The following SLC14A2 variants were observed in gnomAD, a reference collection of about 807,000 sequenced individuals.
SLC14A2 encodes urea transporter 2.
In SLC14A2, 91 loss-of-function variants were observed where a neutral mutation model predicts 104.6. The observed-to-expected ratio is 0.87, with a 90% CI of 0.73 to 1.04. The LOEUF is 1.04. Ranked by LOEUF, SLC14A2 falls within the 50% of genes least tolerant of loss-of-function variation. The probability of loss-of-function intolerance (pLI) is 0.00; values close to 1 mark genes in which losing one functional copy is unlikely to be tolerated. For missense variants in SLC14A2, 1,189 were observed against 1,156.0 expected (o/e 1.03, Z -0.41); for synonymous variants, 476 against 466.4 (o/e 1.02, Z -0.27).
intron 1 of SLC14A2, among the ~76,000 whole-genome samples, chr18:45,390,223 G>C (rs2085945592): frequency 6.6e-6 from 1 of 152,096 alleles, no homozygotes; most frequent in Non-Finnish European, 1.5e-5. Flanking sequence ...ATGTCCAGGT[G>C]GTACCAACAG....
rs76777842 is a variant in SLC14A2 at position 45,430,344 on chromosome 18, G to A, written c.-124-52889G>A. On this transcript the variant is annotated intron_variant, in intron 1 of 20. Coordinates refer to the SLC14A2 transcript ENST00000586448. The stretch of plus-strand genomic sequence containing the variant: ...TAGTAGTTATATTTGTTGGACATTT[G>A]CTAAGAATGGTTAGAGAAAAGTATA... Among the ~76,000 whole-genome samples the A allele has an allele frequency of 5.9e-3, 902 of 152,278 alleles. 16 individuals carry two copies. In the East Asian group the frequency reaches 0.087, roughly 15 times the overall value.
At chr18:45,388,256 G>A (rs2085922826) in intron 1 of SLC14A2, among the ~76,000 whole-genome samples, 1 of 151,778 alleles carries the variant, frequency 6.6e-6, no homozygotes. Flanking sequence ...TAGAGATGGG[G>A]TCTCACCATG....
chr18:45,245,673 G>A (rs1226084683), intron 1 of SLC14A2, among the ~76,000 whole-genome samples: 1 of 151,224 alleles, frequency 6.6e-6, no homozygotes, highest in East Asian at 1.9e-4. Flanking sequence ...GGTGTTTTCA[G>A]TAAGTGCTGC....
At chr18:45,668,216 C>T in intron 14 of SLC14A2, 133 bp from the exon 15 acceptor site, 1 of 1,283,234 alleles carries the variant, frequency 7.8e-7, no homozygotes, top group Non-Finnish European at 1.1e-6. Context: ...GTCTTCCTTC[C>T]CCACTCCCAG....
chr18:45,602,107 T>G (rs975610126), intron 2 of SLC14A2, among the ~76,000 whole-genome samples: 2 of 152,076 alleles, frequency 1.3e-5, no homozygotes, highest in African/African-American at 4.8e-5. Context: ...GTTCTAAACC[T>G]CAGTCAAAGA....
intron 1 of SLC14A2, among the ~76,000 whole-genome samples, chr18:45,348,188 C>T (rs191072522): frequency 1.3e-5 from 2 of 152,340 alleles, no homozygotes; most frequent in East Asian, 3.9e-4. Context: ...CTGCAGGAAG[C>T]CCAGAGCGGG....
chr18:45,453,443 A>T lies in SLC14A2; in HGVS notation c.-124-29790A>T, dbSNP rs533854743. On this transcript the variant is annotated intron_variant, in intron 1 of 20. Transcript: ENST00000586448. Reference sequence around the variant, plus strand: ...TTAAAATCAAAAATTAATGTCAAAAATTTATGATAAGCAAAGTATCAAAAT... The same window carrying T: ...TTAAAATCAAAAATTAATGTCAAAATTTTATGATAAGCAAAGTATCAAAAT... 5.3e-5 allele frequency among the ~76,000 whole-genome samples: 8 copies of T among 152,322 alleles called. No homozygotes were observed. The East Asian group carries it at 1.5e-3, about 29-fold the overall frequency.
intron 2 of SLC14A2, among the ~76,000 whole-genome samples, chr18:45,558,733 G>A (rs2044164116): frequency 6.6e-6 from 1 of 152,164 alleles, no homozygotes; most frequent in African/African-American, 2.4e-5. Context: ...GATACCAAGG[G>A]ACAAAGGATT....
At chr18:45,561,901 G>A (rs935368513) in intron 2 of SLC14A2, among the ~76,000 whole-genome samples, 38 of 142,380 alleles carry the variant, frequency 2.7e-4, no homozygotes, top group African/African-American at 8.6e-4. Context: ...TTGATGATTT[G>A]ACTCCATTTT....
chr18:45,520,323 G>C (rs2043499900), intron 2 of SLC14A2, among the ~76,000 whole-genome samples: 1 of 152,096 alleles, frequency 6.6e-6, no homozygotes, highest in Non-Finnish European at 1.5e-5. Context: ...TCAGGAATAT[G>C]AGTGTGCTAC....
chr18:45,587,332 C>T (rs763411866), intron 2 of SLC14A2, among the ~76,000 whole-genome samples: 1 of 152,208 alleles, frequency 6.6e-6, no homozygotes, highest in Non-Finnish European at 1.5e-5. Context: ...ACAGTAATGG[C>T]TTGCAAGGTG....
At chr18:45,368,713 C>A (rs912998471) in intron 1 of SLC14A2, among the ~76,000 whole-genome samples, 2 of 152,150 alleles carry the variant, frequency 1.3e-5, no homozygotes, top group Non-Finnish European at 2.9e-5. Context: ...CAAGTGGAGA[C>A]GAAAGGGCTC....
intron 1 of SLC14A2, among the ~76,000 whole-genome samples, chr18:45,425,869 T>G (rs1273325234): frequency 6.6e-6 from 1 of 152,152 alleles, no homozygotes. Context: ...AGGGTATTTT[T>G]TTTTAAAGGG....
chr18:45,216,999 G>T (rs913613861), intron 1 of SLC14A2, among the ~76,000 whole-genome samples: 1 of 151,940 alleles, frequency 6.6e-6, no homozygotes, highest in Non-Finnish European at 1.5e-5. Flanking sequence ...GCCAGGCTTG[G>T]CTTCTCATCT....
At chr18:45,407,072 G>T (rs533195549) in intron 1 of SLC14A2, among the ~76,000 whole-genome samples, 1 of 152,264 alleles carries the variant, frequency 6.6e-6, no homozygotes, top group East Asian at 1.9e-4. Context: ...AAGCTTTGAA[G>T]CCAGACATTG....
chr18:45,414,558 T>A (rs537464215), intron 1 of SLC14A2, among the ~76,000 whole-genome samples: 1 of 151,700 alleles, frequency 6.6e-6, no homozygotes, highest in Non-Finnish European at 1.5e-5. Flanking sequence ...TATACCTATG[T>A]AACAAAACTG....
chr18:45,593,372 G>A (rs976931409), intron 2 of SLC14A2, among the ~76,000 whole-genome samples: 3 of 151,574 alleles, frequency 2.0e-5, no homozygotes, highest in African/African-American at 4.9e-5. Flanking sequence ...GCGAAGGGAC[G>A]TAGGCTAGAG....
Position 45,562,893 on chromosome 18 carries a change from C to A in SLC14A2, c.-34-61738C>A, listed in dbSNP as rs571717991. On this transcript the variant is annotated intron_variant, in intron 2 of 20. Coordinates refer to the SLC14A2 transcript ENST00000586448. Reference sequence around the variant, plus strand: ...TGCTCTGCTCTGGTCCCTCTGCAAGCGGTGCATTTAAATCACACTGTCTGA... The same window carrying A: ...TGCTCTGCTCTGGTCCCTCTGCAAGAGGTGCATTTAAATCACACTGTCTGA... Among the ~76,000 whole-genome samples, 3 of 152,248 alleles carry A rather than the reference C, an allele frequency of 2.0e-5. No individual in the cohort carries two copies. The South Asian group carries it at 6.2e-4, about 32-fold the overall frequency.
At chr18:45,349,978 CT>C (rs1215993974) in intron 1 of SLC14A2, among the ~76,000 whole-genome samples, 1 of 152,314 alleles carries the variant, frequency 6.6e-6, no homozygotes, top group Non-Finnish European at 1.5e-5. Context: ...ATATTATCAA[CT>C]TTTTATTGAG....
Sources: gnomAD v4.1 joint callset for allele counts (sites outside exome capture counted in the v4.1 genomes callset) on GRCh38, gnomAD v4.1.1 for gene constraint, MANE v1.5 for transcripts, NCBI Gene and HGNC (gene_info 2026-07-23, HGNC 2026-07-21) for gene names.